Variants in C3orf70 observed in about 807,000 individuals in gnomAD.
C3orf70 encodes UPF0524 protein C3orf70.
A neutral mutation model predicts 20.7 loss-of-function variants in C3orf70; 15 were observed. The ratio of observed to expected loss-of-function variants is 0.72; its 90% confidence interval spans 0.48 to 1.11. The LOEUF (loss-of-function observed/expected upper bound fraction) is 1.11, where lower values mean the gene tolerates loss of function less well. Among genes scored for constraint, C3orf70 ranks in the 50% most tolerant of loss-of-function variants. The pLI is 0.00. For synonymous variants in C3orf70, 161 were observed against 125.7 expected, an observed-to-expected ratio of 1.28 and a Z score of -1.88; for missense variants, 332 against 317.6, an observed-to-expected ratio of 1.05 and a Z score of -0.34.
rs1181013624 is a variant in C3orf70, at chr3:185,079,129, A to G, written c.*3878T>C. 2 of 151,936 alleles carry G rather than the reference A, an allele frequency of 1.3e-5. No homozygotes were observed. Among genetic ancestry groups the G allele is most frequent in the African/African-American group, 2.4e-5 (1 of 41,332 alleles). 9.4% of individuals were successfully genotyped at this position (151,936 alleles called of 1,614,324 possible). A position where few individuals can be genotyped will look rare whatever the true frequency, so the allele number is the denominator to read the frequency against. Reference sequence around the variant, plus strand: ...ACCCCGTTTCTACTAAAAATACAAAAAATTAGCGAGGCATGGTGGCGGGCA... The same window carrying G: ...ACCCCGTTTCTACTAAAAATACAAAGAATTAGCGAGGCATGGTGGCGGGCA... On this transcript the variant is annotated 3_prime_UTR_variant, in exon 2 of 2. Transcript: ENST00000335012.
At chr3:185,124,373 G>C (rs73887819) in intron 1 of C3orf70, among the ~76,000 whole-genome samples, 7,892 of 152,232 alleles carry the variant, frequency 0.052, 658 homozygotes, top group African/African-American at 0.18. Context: ...AAAGGAATTA[G>C]AATGGCTAAA....
chr3:185,143,496 T>C (rs972413291), intron 1 of C3orf70, among the ~76,000 whole-genome samples: 2 of 152,144 alleles, frequency 1.3e-5, no homozygotes, highest in Non-Finnish European at 1.5e-5. Flanking sequence ...TGGGAAGGCA[T>C]TGTACAGATA....
At chr3:185,088,226 T>C (rs1356671854) in intron 1 of C3orf70, among the ~76,000 whole-genome samples, 1 of 152,162 alleles carries the variant, frequency 6.6e-6, no homozygotes, top group Non-Finnish European at 1.5e-5. Flanking sequence ...TTTAAATTAG[T>C]ATAATTCACT....
At chr3:185,125,597 C>A (rs577324342) in intron 1 of C3orf70, among the ~76,000 whole-genome samples, 28 of 152,138 alleles carry the variant, frequency 1.8e-4, no homozygotes, top group Non-Finnish European at 3.5e-4. Context: ...AGAAACAATC[C>A]AAATATCCAC....
At chr3:185,119,835 C>T (rs1443569989) in intron 1 of C3orf70, among the ~76,000 whole-genome samples, 1 of 151,660 alleles carries the variant, frequency 6.6e-6, no homozygotes, top group East Asian at 1.9e-4. Context: ...ACCATCCTGG[C>T]CAACATAGTG....
intron 1 of C3orf70, among the ~76,000 whole-genome samples, chr3:185,122,816 C>CT (rs35167923): frequency 0.052 from 7,864 of 151,938 alleles, 659 homozygotes; most frequent in African/African-American, 0.18. Flanking sequence ...CAATTGGTCT[C>CT]TGAGAGCTGA....
At chr3:185,127,364 T>C (rs932848694) in intron 1 of C3orf70, among the ~76,000 whole-genome samples, 3 of 152,190 alleles carry the variant, frequency 2.0e-5, no homozygotes, top group African/African-American at 4.8e-5. Context: ...GTCTAATTTC[T>C]AACTCCCTGA....
In C3orf70 at chr3:185,078,672, C is replaced by T. The variant is rs1463012283; in HGVS notation, c.*4335G>A. On this transcript the variant is annotated 3_prime_UTR_variant, in exon 2 of 2. Coordinates refer to ENST00000335012, the MANE Select transcript of C3orf70 (RefSeq NM_001025266.3). Reference sequence around the variant, plus strand: ...AACTGGCCTCCTCAGTTCTGGTTCACACCTCCTCTGGAGAAGGGGACAGAA... The same window carrying T: ...AACTGGCCTCCTCAGTTCTGGTTCATACCTCCTCTGGAGAAGGGGACAGAA... 1 of 152,232 alleles carries T rather than the reference C, an allele frequency of 6.6e-6. No individual in the cohort carries two copies. The highest frequency in any genetic ancestry group is 1.5e-5 in the Non-Finnish European group (1 of 68,046). 9.4% of individuals were successfully genotyped at this position (152,232 alleles called of 1,614,324 possible).
rs976755030 is a variant in C3orf70, at chr3:185,078,965, A to G, written c.*4042T>C. On this transcript the variant is annotated 3_prime_UTR_variant, in exon 2 of 2. Transcript: ENST00000335012. ...GTCCCAAAATACTTGTGATGGTTCA[A>G]ATAGACCAAGAAGTGGAGGATTAGA... is the stretch of plus-strand genomic sequence containing the variant. 8 of 152,270 alleles carry G rather than the reference A, an allele frequency of 5.3e-5. No individual in the cohort carries two copies. Among genetic ancestry groups the G allele is most frequent in the African/African-American group, 1.9e-4 (8 of 41,552 alleles). The allele number at this position is 152,270 out of a possible 1,614,324, so 9.4% of individuals were successfully genotyped here.
At chr3:185,097,026 C>T (rs1278961559) in intron 1 of C3orf70, among the ~76,000 whole-genome samples, 2 of 152,130 alleles carry the variant, frequency 1.3e-5, no homozygotes, top group African/African-American at 4.8e-5. Context: ...TGGGGGACTG[C>T]ATAGAATTTC....
intron 1 of C3orf70, among the ~76,000 whole-genome samples, chr3:185,114,866 G>GA (rs1249831310): frequency 6.6e-6 from 1 of 151,832 alleles, no homozygotes; most frequent in East Asian, 1.9e-4. Flanking sequence ...AAATTATGGG[G>GA]AAAAAAAGGG....
At chr3:185,122,368 T>C (rs10937205) in intron 1 of C3orf70, among the ~76,000 whole-genome samples, 22,127 of 152,066 alleles carry the variant, frequency 0.15, 1,764 homozygotes, top group East Asian at 0.23. Flanking sequence ...TTCAACTGGG[T>C]TTGGATCACA....
intron 1 of C3orf70, among the ~76,000 whole-genome samples, chr3:185,142,095 C>T (rs1249805671): frequency 6.6e-6 from 1 of 152,086 alleles, no homozygotes; most frequent in Non-Finnish European, 1.5e-5. Flanking sequence ...GGCATTCTCA[C>T]TGGCCAAATT....
intron 1 of C3orf70, among the ~76,000 whole-genome samples, chr3:185,116,019 A>T (rs1482883322): frequency 6.6e-6 from 1 of 152,176 alleles, no homozygotes; most frequent in African/African-American, 2.4e-5. Flanking sequence ...TCCCTTGCAG[A>T]TGGTCTCTGC....
chr3:185,084,887 T>C (rs1441077573), intron 1 of C3orf70, among the ~76,000 whole-genome samples: 1 of 152,348 alleles, frequency 6.6e-6, no homozygotes, highest in East Asian at 1.9e-4. Context: ...GGGCATCATT[T>C]TGAATTTTTC....
chr3:185,105,257 T>C (rs1045503595), intron 1 of C3orf70, among the ~76,000 whole-genome samples: 3 of 152,222 alleles, frequency 2.0e-5, no homozygotes, highest in Non-Finnish European at 4.4e-5. Context: ...AAACTGGCCA[T>C]ACACAAAATC....
At chr3:185,089,518 T>A (rs1259958778) in intron 1 of C3orf70, among the ~76,000 whole-genome samples, 1 of 152,186 alleles carries the variant, frequency 6.6e-6, no homozygotes, top group Non-Finnish European at 1.5e-5. Context: ...CACACATTCT[T>A]CAGATTGTTG....
At position 185,144,185 on chromosome 3, in the gene C3orf70, G is replaced by A. The variant is rs115100141; in HGVS notation, c.196+8443C>T. Among the ~76,000 whole-genome samples the A allele has an allele frequency of 2.2e-3, 329 of 152,274 alleles. 1 individual carries two copies. Among genetic ancestry groups the A allele is most frequent in the African/African-American group, 7.7e-3 (318 of 41,544 alleles). ...CAGATTAACCAGGACATTTGAGGAA[G>A]GGGGAAAACAATTGCCGACTTTGAC... On this transcript the variant is annotated intron_variant, in intron 1 of 1. Coordinates refer to ENST00000335012, the MANE Select transcript of C3orf70 (RefSeq NM_001025266.3).
rs945514713 is a variant in C3orf70, at chr3:185,153,027, C to T, written c.-204G>A. The T allele has an allele frequency of 4.3e-4, 82 of 189,578 alleles. No homozygotes were observed. Among genetic ancestry groups the T allele is most frequent in the Non-Finnish European group, 7.2e-4 (69 of 96,458 alleles). 11.7% of individuals were successfully genotyped at this position (189,578 alleles called of 1,614,324 possible). On this transcript the variant is annotated 5_prime_UTR_variant, in exon 1 of 2. Transcript: ENST00000335012. The surrounding 1 kb of genome is among the most constrained non-coding windows in gnomAD (Gnocchi z 6.8). The stretch of plus-strand genomic sequence containing the variant: ...CTGCGACCGGGTCCGGGCTGGCAGC[C>T]TCCCTCCCTCCGGCGCGGCGCGCGC...
Sources: allele counts gnomAD v4.1 joint callset (sites outside exome capture counted in the v4.1 genomes callset), GRCh38; gene constraint gnomAD v4.1.1; non-coding constraint Gnocchi (gnomAD v3.1); transcripts MANE v1.5; gene names NCBI Gene and HGNC (gene_info 2026-07-23, HGNC 2026-07-21).